Variants in AMBRA1 observed in about 807,000 individuals in gnomAD.
AMBRA1 encodes the protein autophagy and beclin 1 regulator 1.
A neutral mutation model predicts 125.4 loss-of-function variants in AMBRA1; 47 were observed. The observed-to-expected ratio is 0.37, with a 90% CI of 0.30 to 0.48. The LOEUF is 0.48. Among genes scored for constraint, AMBRA1 ranks in the 20% least tolerant of loss-of-function variants. AMBRA1 has a pLI of 0.99. For synonymous variants in AMBRA1, 626 were observed against 655.5 expected (o/e 0.95, Z 0.69); for missense variants, 1,331 against 1,693.4 (o/e 0.79, Z 3.76).
chr11:46,478,324 C>T (rs7130141), intron 11 of AMBRA1, among the ~76,000 whole-genome samples: 39,228 of 152,062 alleles, frequency 0.26, 7,096 homozygotes, highest in African/African-American at 0.52. Flanking sequence ...AATGATGCCA[C>T]GGGTACAGGT....
At chr11:46,561,804 A>G (rs2043347616) in intron 1 of AMBRA1, among the ~76,000 whole-genome samples, 1 of 152,182 alleles carries the variant, frequency 6.6e-6, no homozygotes, top group African/African-American at 2.4e-5. Context: ...CACATTTCTT[A>G]GCCAATCAAA....
intron 1 of AMBRA1, among the ~76,000 whole-genome samples, chr11:46,570,828 T>C (rs2043731555): frequency 6.6e-6 from 1 of 152,148 alleles, no homozygotes; most frequent in Non-Finnish European, 1.5e-5. Flanking sequence ...CTGATCTTGG[T>C]TCAACTATTT....
chr11:46,434,151 TAATAAATGCTAACCGTTGTTATCAAC>T (rs1426556987), intron 13 of AMBRA1, among the ~76,000 whole-genome samples: 1 of 150,584 alleles, frequency 6.6e-6, no homozygotes, highest in East Asian at 1.9e-4. Context: ...AGAAAGTACT[TAATAAATGCTAACCGTTGTTATCAAC>T]ATTTTAAAAA....
At chr11:46,578,128 G>T (rs919474903) in intron 1 of AMBRA1, among the ~76,000 whole-genome samples, 10 of 151,930 alleles carry the variant, frequency 6.6e-5, no homozygotes, top group African/African-American at 2.2e-4. Context: ...ACAAATAAAA[G>T]AATGCTAGGA....
intron 11 of AMBRA1, among the ~76,000 whole-genome samples, chr11:46,464,810 G>T (rs1949250744): frequency 6.6e-6 from 1 of 151,618 alleles, no homozygotes; most frequent in Non-Finnish European, 1.5e-5. Flanking sequence ...ACTTTGCGAG[G>T]CCAAGGCAGT....
chr11:46,413,408 G>T (rs1322467017), intron 15 of AMBRA1, among the ~76,000 whole-genome samples: 1 of 152,170 alleles, frequency 6.6e-6, no homozygotes, highest in Non-Finnish European at 1.5e-5. Context: ...TCATGGATTT[G>T]GTTTCAATTC....
At chr11:46,435,937 A>G (rs1322929379) in intron 12 of AMBRA1, among the ~76,000 whole-genome samples, 1 of 152,240 alleles carries the variant, frequency 6.6e-6, no homozygotes, top group Non-Finnish European at 1.5e-5. Flanking sequence ...CCTGCCAGGA[A>G]GAAGTGGCTT....
rs553040136 is a variant in AMBRA1, at chr11:46,400,473, G to GTT, written c.3404-2532_3404-2531dup. 9.0e-3 allele frequency among the ~76,000 whole-genome samples: 442 copies of GTT among 48,866 alleles called. 151 individuals carry two copies. Among genetic ancestry groups the GTT allele is most frequent in the Non-Finnish European group, 0.013 (303 of 24,018 alleles). 32.1% of individuals were successfully genotyped at this position (48,866 alleles called of 152,430 possible). On this transcript the variant is annotated intron_variant, in intron 17 of 17. Transcript: ENST00000683756. The stretch of plus-strand genomic sequence containing the variant: ...CCTCATGCTTCTAGTTCTTTCTATA[G>GTT]TTTTTTTTTTTTTTTTTTTTTTTTT...
At chr11:46,507,684 A>G (rs2135034953) in intron 9 of AMBRA1, among the ~76,000 whole-genome samples, 1 of 152,282 alleles carries the variant, frequency 6.6e-6, no homozygotes, top group South Asian at 2.1e-4. Flanking sequence ...GGAGACCAAA[A>G]AAGTTTAGGC....
At chr11:46,447,708 G>GTAGATAGATAGA (rs59044666) in intron 11 of AMBRA1, among the ~76,000 whole-genome samples, 1 of 138,588 alleles carries the variant, frequency 7.2e-6, no homozygotes, top group Non-Finnish European at 1.5e-5. Context: ...AGACCATCTT[G>GTAGATAGATAGA]TAGATAGATA....
intron 14 of AMBRA1, among the ~76,000 whole-genome samples, chr11:46,422,235 T>C (rs549935461): frequency 6.6e-6 from 1 of 152,290 alleles, no homozygotes; most frequent in African/African-American, 2.4e-5. Context: ...TTCCCTGGTA[T>C]ATGACGAATG....
intron 1 of AMBRA1, among the ~76,000 whole-genome samples, chr11:46,575,794 C>T (rs2043942751): frequency 6.6e-6 from 1 of 152,144 alleles, no homozygotes; most frequent in Admixed American, 6.6e-5. Context: ...GGATTATAGG[C>T]GTGAGCCTCC....
intron 11 of AMBRA1, among the ~76,000 whole-genome samples, chr11:46,467,390 G>C (rs1949371859): frequency 6.6e-6 from 1 of 152,064 alleles, no homozygotes; most frequent in Non-Finnish European, 1.5e-5. Flanking sequence ...TACAGGAATA[G>C]TATAATAAAT....
At chr11:46,523,812 A>G (rs997121903) in intron 7 of AMBRA1, among the ~76,000 whole-genome samples, 11 of 152,218 alleles carry the variant, frequency 7.2e-5, no homozygotes, top group Non-Finnish European at 1.6e-4. Context: ...ATTAACTATC[A>G]TAAGAAGATG....
At chr11:46,501,379 C>T (rs990987051) in intron 9 of AMBRA1, among the ~76,000 whole-genome samples, 4 of 152,156 alleles carry the variant, frequency 2.6e-5, no homozygotes, top group Non-Finnish European at 5.9e-5. Flanking sequence ...CACCCTGTGA[C>T]GGAATGGCAT....
intron 7 of AMBRA1, among the ~76,000 whole-genome samples, chr11:46,533,978 G>C (rs1010262646): frequency 6.6e-6 from 1 of 151,096 alleles, no homozygotes; most frequent in African/African-American, 2.4e-5. Flanking sequence ...CCCTAGTGTC[G>C]ACGGGGTTTG....
intron 11 of AMBRA1, among the ~76,000 whole-genome samples, chr11:46,451,260 T>C (rs954048132): frequency 1.3e-5 from 2 of 152,140 alleles, no homozygotes; most frequent in Admixed American, 6.5e-5. Flanking sequence ...TGGCAAAAAC[T>C]AAGCTGCCAA....
chr11:46,464,572 GTGT>G (rs1949241259), intron 11 of AMBRA1, among the ~76,000 whole-genome samples: 1 of 152,094 alleles, frequency 6.6e-6, no homozygotes, highest in Non-Finnish European at 1.5e-5. Flanking sequence ...GTTCATGAGT[GTGT>G]TATTACATTA....
At chr11:46,524,594 T>C (rs1951889969) in intron 7 of AMBRA1, among the ~76,000 whole-genome samples, 1 of 152,244 alleles carries the variant, frequency 6.6e-6, no homozygotes, top group East Asian at 1.9e-4. Flanking sequence ...AAGTTCATTA[T>C]CCTCTGCTTC....
Sources: allele counts gnomAD v4.1 joint callset (sites outside exome capture counted in the v4.1 genomes callset), GRCh38; gene constraint gnomAD v4.1.1; transcripts MANE v1.5; gene names NCBI Gene and HGNC (gene_info 2026-07-23, HGNC 2026-07-21).